Variants in GATAD2B observed in about 807,000 individuals in gnomAD.
GATAD2B encodes the protein transcriptional repressor p66-beta.
In GATAD2B, 8 loss-of-function variants were observed where a neutral mutation model predicts 64.3. The ratio of observed to expected loss-of-function variants is 0.12; its 90% confidence interval spans 0.07 to 0.22. The LOEUF is 0.22. Ranked by LOEUF, GATAD2B falls within the 10% of genes least tolerant of loss-of-function variation. GATAD2B has a pLI of 1.00. For synonymous variants in GATAD2B, 281 were observed against 271.3 expected, an observed-to-expected ratio of 1.04 and a Z score of -0.35; for missense variants, 453 against 752.0, an observed-to-expected ratio of 0.60 and a Z score of 4.65.
intron 1 of GATAD2B, among the ~76,000 whole-genome samples, chr1:153,881,150 C>T (rs995052723): frequency 2.0e-5 from 3 of 152,046 alleles, no homozygotes; most frequent in Non-Finnish European, 4.4e-5. Context: ...TACACTTACA[C>T]ACACGAGCGC....
intron 1 of GATAD2B, among the ~76,000 whole-genome samples, chr1:153,858,032 C>G (rs1438256186): frequency 6.6e-6 from 1 of 152,070 alleles, no homozygotes; most frequent in Non-Finnish European, 1.5e-5. Flanking sequence ...CAATTGCTCT[C>G]AAATAGAGAA....
chr1:153,909,820 CACCTGTAATCCCAGTT>C (rs2101967521), intron 1 of GATAD2B, among the ~76,000 whole-genome samples: 1 of 150,806 alleles, frequency 6.6e-6, no homozygotes, highest in South Asian at 2.1e-4. Context: ...TGGTGGCACA[CACCTGTAATCCCAGTT>C]ACTTGGGAGG....
intron 1 of GATAD2B, among the ~76,000 whole-genome samples, chr1:153,906,181 T>G (rs894526075): frequency 2.0e-5 from 3 of 149,580 alleles, no homozygotes; most frequent in African/African-American, 4.9e-5. Flanking sequence ...AGCCAGAGGC[T>G]CTCTTGATCT....
intron 1 of GATAD2B, among the ~76,000 whole-genome samples, chr1:153,872,612 T>C (rs2101931398): frequency 6.6e-6 from 1 of 151,738 alleles, no homozygotes; most frequent in East Asian, 1.9e-4. Context: ...GTGGAGTATA[T>C]AAACTTTCCA....
At chr1:153,902,005 GCACAGTGGTTCA>G (rs1376954324) in intron 1 of GATAD2B, among the ~76,000 whole-genome samples, 133 of 144,416 alleles carry the variant, frequency 9.2e-4, no homozygotes, top group Non-Finnish European at 1.6e-3. Flanking sequence ...AAAAGGCCGC[GCACAGTGGTTCA>G]CACCTGTAAT....
At chr1:153,885,772 A>AGAATGGT (rs1677163845) in intron 1 of GATAD2B, among the ~76,000 whole-genome samples, 1 of 151,902 alleles carries the variant, frequency 6.6e-6, no homozygotes, top group African/African-American at 2.4e-5. Context: ...CTGAGGCAGA[A>AGAATGGT]GAATGGTGTG....
chr1:153,899,612 T>C (rs1472239900), intron 1 of GATAD2B, among the ~76,000 whole-genome samples: 3 of 151,260 alleles, frequency 2.0e-5, no homozygotes. Flanking sequence ...TTTCCAATAA[T>C]TGGGCTGTAG....
At chr1:153,874,578 T>C (rs1676766389) in intron 1 of GATAD2B, among the ~76,000 whole-genome samples, 1 of 152,062 alleles carries the variant, frequency 6.6e-6, no homozygotes, top group East Asian at 1.9e-4. Flanking sequence ...TGGGGTTTTT[T>C]TGTTGTTTTT....
At chr1:153,853,119 T>C in intron 1 of GATAD2B, 1 of 1,456,848 alleles carries the variant, frequency 6.9e-7, no homozygotes, top group Admixed American at 1.7e-5. Context: ...TGATGGCTGA[T>C]TCAGAATAGG....
In GATAD2B at chr1:153,807,209, C is replaced by G. The variant is rs1266797123; in HGVS notation, c.*2968G>C. On this transcript the variant is annotated 3_prime_UTR_variant, in exon 11 of 11. Transcript: ENST00000368655. ...CCAGGCAGAACTGGTGGGATCCTCA[C>G]TCTACTAATAATGCTCCAAACAGAG... is the stretch of plus-strand genomic sequence containing the variant. 3 of 152,180 alleles carry G rather than the reference C, an allele frequency of 2.0e-5. No homozygotes were observed. Among genetic ancestry groups the G allele is most frequent in the African/African-American group, 7.2e-5 (3 of 41,434 alleles). 9.4% of individuals were successfully genotyped at this position (152,180 alleles called of 1,614,324 possible).
rs1449500419 is a variant in GATAD2B, at chr1:153,819,738, A to G, written c.336-3T>C. ...TTAGCCTTCCTCGCTCTGGCTCACT[A>G]GACAAGAAAGGGAAAAAATAAGCTA... On this transcript the variant is annotated splice_polypyrimidine_tract_variant and splice_region_variant and intron_variant, in intron 2 of 10. Transcript: ENST00000368655. 1.3e-6 allele frequency: 2 copies of G among 1,583,672 alleles called. No homozygotes were observed. Among genetic ancestry groups the G allele is most frequent in the African/African-American group, 1.4e-5 (1 of 72,962 alleles).
intron 1 of GATAD2B, among the ~76,000 whole-genome samples, chr1:153,884,820 G>A (rs1309266882): frequency 1.3e-5 from 2 of 151,650 alleles, no homozygotes; most frequent in African/African-American, 2.4e-5. Flanking sequence ...GCAATGGTGC[G>A]ATCTCAGCTC....
intron 1 of GATAD2B, among the ~76,000 whole-genome samples, chr1:153,839,105 T>G (rs1675376848): frequency 2.6e-5 from 1 of 37,784 alleles, no homozygotes; most frequent in African/African-American, 1.1e-4. Context: ...CGAGACCCTG[T>G]CTCAAAAAAA....
chr1:153,898,004 C>CAAAAAAAAAAAAAAA (rs60650122), intron 1 of GATAD2B, among the ~76,000 whole-genome samples: 2 of 131,388 alleles, frequency 1.5e-5, no homozygotes, highest in Non-Finnish European at 1.6e-5. Flanking sequence ...AAAAAAAAAA[C>CAAAAAAAAAAAAAAA]AAAAAAAAAA....
intron 1 of GATAD2B, among the ~76,000 whole-genome samples, chr1:153,840,026 CTTTTTTT>C (rs779722872): frequency 3.1e-5 from 3 of 97,828 alleles, no homozygotes; most frequent in South Asian, 3.5e-4. Context: ...AAAATACTTT[CTTTTTTT>C]TTTTTTTTTT....
chr1:153,874,266 G>GAA (rs150655980), intron 1 of GATAD2B, among the ~76,000 whole-genome samples: 10 of 145,230 alleles, frequency 6.9e-5, no homozygotes, highest in South Asian at 2.2e-4. Flanking sequence ...CGTCTCAAAA[G>GAA]AAAAAAAAAA....
At chr1:153,867,668 T>C (rs569504200) in intron 1 of GATAD2B, among the ~76,000 whole-genome samples, 387 of 151,290 alleles carry the variant, frequency 2.6e-3, no homozygotes, top group Non-Finnish European at 4.4e-3. Flanking sequence ...AAGACCACCA[T>C]GGCCAACATG....
At chr1:153,856,447 C>A (rs1212957445) in intron 1 of GATAD2B, among the ~76,000 whole-genome samples, 1 of 152,070 alleles carries the variant, frequency 6.6e-6, no homozygotes, top group Non-Finnish European at 1.5e-5. Context: ...GCAAATATGG[C>A]AAAATATTCA....
At chr1:153,852,297 G>A in intron 1 of GATAD2B, 1 of 1,102,922 alleles carries the variant, frequency 9.1e-7, no homozygotes, top group Non-Finnish European at 1.4e-6. Context: ...CTTGCTAGAA[G>A]TGGAGGCTGT....
Sources: gnomAD v4.1 joint callset for allele counts (sites outside exome capture counted in the v4.1 genomes callset) on GRCh38, gnomAD v4.1.1 for gene constraint, MANE v1.5 for transcripts, NCBI Gene and HGNC (gene_info 2026-07-23, HGNC 2026-07-21) for gene names.